The following SUPT20H variants were observed in gnomAD, a reference collection of about 807,000 sequenced individuals.
The protein encoded by SUPT20H is transcription factor SPT20 homolog.
Under a neutral mutation model 122.8 loss-of-function variants are expected in SUPT20H, and 82 were observed. That is an observed-to-expected ratio of 0.67 (90% CI 0.56 to 0.80). The LOEUF (loss-of-function observed/expected upper bound fraction) is 0.80, where lower values mean the gene tolerates loss of function less well. SUPT20H is among the 30% of genes least tolerant of loss of function. The pLI, the probability that SUPT20H is intolerant of heterozygous loss-of-function variation, is 0.00. For missense variants in SUPT20H, 831 were observed against 921.6 expected (o/e 0.90, Z 1.27); for synonymous variants, 291 against 313.0 (o/e 0.93, Z 0.74).
At chr13:37,045,222 G>T in intron 6 of SUPT20H, 25 bp downstream of exon 6, 1 of 1,607,080 alleles carries the variant, frequency 6.2e-7, no homozygotes, top group East Asian at 2.2e-5. Context: ...GTATTTTGTG[G>T]CAGCTGTGCT....
At chr13:37,038,430 T>C (rs2064903404) in intron 9 of SUPT20H, 1 of 152,218 alleles carries the variant, frequency 6.6e-6, no homozygotes, top group Non-Finnish European at 1.5e-5. Context: ...TCTGATGCCC[T>C]AGCAAACTCT....
chr13:37,019,623 T>C (rs966864898), intron 21 of SUPT20H, among the ~76,000 whole-genome samples: 2 of 152,204 alleles, frequency 1.3e-5, no homozygotes, highest in Non-Finnish European at 2.9e-5. Context: ...TTATATTCTA[T>C]ATTTCAGAAA....
intron 1 of SUPT20H, chr13:37,059,123 C>A (rs1045036907): frequency 6.6e-6 from 1 of 152,324 alleles, no homozygotes; most frequent in Non-Finnish European, 1.5e-5. Flanking sequence ...GCGTTGCTAT[C>A]AATTCTACTG....
chr13:37,034,170 A>T (rs144548576), intron 9 of SUPT20H, among the ~76,000 whole-genome samples: 1,612 of 152,316 alleles, frequency 0.011, 14 homozygotes, highest in Middle Eastern at 0.037. Flanking sequence ...AACTGAAAGG[A>T]AGAGTCACAC....
intron 9 of SUPT20H, chr13:37,038,347 T>TA (rs2064886533): frequency 6.6e-6 from 1 of 152,218 alleles, no homozygotes; most frequent in Non-Finnish European, 1.5e-5. Flanking sequence ...CTTGGCTGCC[T>TA]AAAATACAGT....
At chr13:37,047,040 T>C (rs2066611900) in intron 5 of SUPT20H, 1 of 152,584 alleles carries the variant, frequency 6.6e-6, no homozygotes, top group South Asian at 2.1e-4. Context: ...CCCATATCTT[T>C]ATGCCAAATA....
rs2063336115 is a variant in SUPT20H at position 37,031,555 on chromosome 13, G to A, written c.921+12C>T. 2 of 1,508,842 alleles carry A rather than the reference G, an allele frequency of 1.3e-6. No individual in the cohort carries two copies. The highest frequency in any genetic ancestry group is 1.8e-6 in the Non-Finnish European group (2 of 1,131,742). 93.5% of individuals were successfully genotyped at this position (1,508,842 alleles called of 1,614,324 possible). ...CTTTATATGAAAAAAAGTAATTCAT[G>A]AACTGACTTACATCTACTTCAGAAG... On this transcript the variant is annotated intron_variant, in intron 12 of 25. Transcript: ENST00000350612.
At chr13:37,049,610 G>C (rs913407506) in intron 2 of SUPT20H, among the ~76,000 whole-genome samples, 4 of 152,142 alleles carry the variant, frequency 2.6e-5, no homozygotes, top group African/African-American at 9.6e-5. Flanking sequence ...GTGGTAGCAC[G>C]CGCCTGTAGT....
intron 1 of SUPT20H, among the ~76,000 whole-genome samples, chr13:37,056,136 G>C (rs143581510): frequency 0.023 from 3,508 of 152,314 alleles, 139 homozygotes; most frequent in African/African-American, 0.08. Flanking sequence ...AGAGGATGTG[G>C]AGAAATAGGA....
chr13:37,051,828 C>T (rs896487969), intron 1 of SUPT20H, among the ~76,000 whole-genome samples: 3 of 152,226 alleles, frequency 2.0e-5, no homozygotes, highest in Middle Eastern at 3.4e-3. Context: ...ATTATTACTC[C>T]TTTTCTCAAA....
chr13:37,023,180 T>C, intron 19 of SUPT20H: 1 of 840,252 alleles, frequency 1.2e-6, no homozygotes, highest in Non-Finnish European at 1.5e-6. Flanking sequence ...TTTCAGAAAA[T>C]TTATATATTT....
intron 23 of SUPT20H, among the ~76,000 whole-genome samples, chr13:37,014,751 C>T (rs959848243): frequency 1.3e-5 from 2 of 152,076 alleles, no homozygotes; most frequent in African/African-American, 4.8e-5. Context: ...AAAGAATGAC[C>T]TCAACACAAT....
intron 2 of SUPT20H, among the ~76,000 whole-genome samples, chr13:37,050,793 A>G (rs1362187049): frequency 6.6e-6 from 1 of 152,142 alleles, no homozygotes; most frequent in Non-Finnish European, 1.5e-5. Flanking sequence ...ACTTTTCTCT[A>G]ATAGGGGAGG....
chr13:37,028,342 C>T, intron 13 of SUPT20H, 37 bp from the exon 14 acceptor site: 1 of 1,571,376 alleles, frequency 6.4e-7, no homozygotes, highest in Non-Finnish European at 8.6e-7. Flanking sequence ...AATACCTTCA[C>T]AAGTAGGCAG....
chr13:37,009,549 TAA>T lies in SUPT20H; in HGVS notation c.*121_*122del. ...AAAATGATAAGGTTGTGCTTCTGTA[TAA>T]AGTTTGTACATCTAGCAATGTAAAA... On this transcript the variant is annotated 3_prime_UTR_variant, in exon 26 of 26. Transcript: ENST00000350612. The T allele has an allele frequency of 2.5e-6, 3 of 1,181,208 alleles. No homozygotes were observed. The Admixed American group carries it at 5.7e-5, about 22-fold the overall frequency. The allele number at this position is 1,181,208 out of a possible 1,614,324, so 73.2% of individuals were successfully genotyped here.
At chr13:37,046,586 C>G (rs555994389) in intron 5 of SUPT20H, among the ~76,000 whole-genome samples, 2 of 152,168 alleles carry the variant, frequency 1.3e-5, no homozygotes, top group African/African-American at 4.8e-5. Flanking sequence ...ATGCAGTAGG[C>G]CACATTTAGC....
At position 37,031,480 on chromosome 13, in the gene SUPT20H, T is replaced by C. The variant is rs140840057; in HGVS notation, c.921+87A>G. On this transcript the variant is annotated intron_variant, in intron 12 of 25. Coordinates refer to ENST00000350612, the MANE Select transcript of SUPT20H (RefSeq NM_001014286.3). ...AATCACTTTGTTTTTAAAGTAAGTT[T>C]TTTTTTTGTTTTCTCAAGGTATAAG... The C allele has an allele frequency of 8.4e-6, 7 of 832,986 alleles. 1 individual carries two copies. The African/African-American group carries it at 1.2e-4, about 15-fold the overall frequency. The allele number at this position is 832,986 out of a possible 1,614,324, so 51.6% of individuals were successfully genotyped here.
intron 17 of SUPT20H, chr13:37,024,894 A>C (rs1231736982): frequency 5.8e-6 from 1 of 171,614 alleles, no homozygotes; most frequent in Non-Finnish European, 1.3e-5. Context: ...TTTTAAAAAA[A>C]GGTAAAAGTA....
chr13:37,031,700 T>C, intron 11 of SUPT20H, 39 bp downstream of exon 11: 1 of 1,554,914 alleles, frequency 6.4e-7, no homozygotes, highest in South Asian at 1.2e-5. Flanking sequence ...AGACAGGCTT[T>C]TGGGCATAAT....
Sources: allele counts gnomAD v4.1 joint callset (sites outside exome capture counted in the v4.1 genomes callset), GRCh38; gene constraint gnomAD v4.1.1; transcripts MANE v1.5; gene names NCBI Gene and HGNC (gene_info 2026-07-23, HGNC 2026-07-21).